The following ATG7 variants were observed in gnomAD, a reference collection of about 807,000 sequenced individuals.
ATG7 encodes the protein ubiquitin-like modifier-activating enzyme ATG7.
In ATG7, 70 loss-of-function variants were observed where a neutral mutation model predicts 82.4. The ratio of observed to expected loss-of-function variants is 0.85; its 90% CI spans 0.70 to 1.04. The LOEUF is 1.04. Among genes scored for constraint, ATG7 ranks in the 50% least tolerant of loss-of-function variants. The pLI is 0.00. For synonymous variants in ATG7, 287 were observed against 313.0 expected (o/e 0.92, Z 0.88); for missense variants, 792 against 864.3 (o/e 0.92, Z 1.05).
chr3:11,407,664 C>G (rs992385574), intron 19 of ATG7, among the ~76,000 whole-genome samples: 5 of 152,216 alleles, frequency 3.3e-5, no homozygotes, highest in African/African-American at 4.8e-5. Context: ...AACCTCAATT[C>G]TTGACTTCTG....
At chr3:11,399,058 C>T (rs1448036634) in intron 19 of ATG7, among the ~76,000 whole-genome samples, 1 of 152,076 alleles carries the variant, frequency 6.6e-6, no homozygotes, top group Non-Finnish European at 1.5e-5. Context: ...TTTTAAAAAT[C>T]AGATGCAGGC....
chr3:11,477,001 C>T (rs2088327101), intron 20 of ATG7: 1 of 949,186 alleles, frequency 1.1e-6, no homozygotes, highest in African/African-American at 1.7e-5. Flanking sequence ...CTCTTTATTA[C>T]AGTGTTTTCC....
intron 13 of ATG7, among the ~76,000 whole-genome samples, chr3:11,343,111 T>G (rs1953930126): frequency 6.6e-6 from 1 of 152,098 alleles, no homozygotes; most frequent in Non-Finnish European, 1.5e-5. Flanking sequence ...GTATTTTTAG[T>G]AGAGACGGGG....
intron 20 of ATG7, among the ~76,000 whole-genome samples, chr3:11,473,846 G>C (rs2087816516): frequency 6.6e-6 from 1 of 152,158 alleles, no homozygotes; most frequent in African/African-American, 2.4e-5. Context: ...TTTGGTTACT[G>C]TGCTGTGCTC....
In ATG7 at chr3:11,317,407, T is replaced by C. The variant is rs552174975; in HGVS notation, c.678+1914T>C. On this transcript the variant is annotated intron_variant, in intron 9 of 20. Coordinates refer to ENST00000693202, the MANE Select transcript of ATG7 (RefSeq NM_001349232.2). ...GCCAAAATAATAACAGTTTGAACAG[T>C]GCTTTACAATTAATTTAAAAGGGAC... 1.2e-4 allele frequency among the ~76,000 whole-genome samples: 19 copies of C among 152,248 alleles called. No homozygotes were observed. In the South Asian group the frequency reaches 3.5e-3, roughly 28 times the overall value.
chr3:11,524,623 AAGAATGGTAGTGCATTAGTCG>A (rs1434139205), intron 20 of ATG7, among the ~76,000 whole-genome samples: 10 of 152,096 alleles, frequency 6.6e-5, no homozygotes, highest in South Asian at 2.1e-4. Context: ...ATAATTAGTC[AAGAATGGTAGTGCATTAGTCG>A]AGAATGGTAG....
chr3:11,394,419 C>A (rs114322128), intron 19 of ATG7, among the ~76,000 whole-genome samples: 7 of 152,162 alleles, frequency 4.6e-5, no homozygotes, highest in Admixed American at 2.0e-4. Context: ...TAAGGAGATT[C>A]TGAGTTGAGC....
chr3:11,504,976 G>A (rs2091607439), intron 20 of ATG7, among the ~76,000 whole-genome samples: 1 of 152,132 alleles, frequency 6.6e-6, no homozygotes, highest in African/African-American at 2.4e-5. Flanking sequence ...AGCAAAATGG[G>A]AAATATATAT....
chr3:11,319,492 T>C (rs1949921008), intron 9 of ATG7, among the ~76,000 whole-genome samples: 3 of 152,218 alleles, frequency 2.0e-5, no homozygotes, highest in Middle Eastern at 3.2e-3. Flanking sequence ...TGAGTTTCTC[T>C]CTTCAACCTG....
intron 19 of ATG7, among the ~76,000 whole-genome samples, chr3:11,424,100 C>T (rs1009419495): frequency 2.0e-5 from 3 of 152,074 alleles, no homozygotes; most frequent in South Asian, 2.1e-4. Flanking sequence ...TGCCTCCCGT[C>T]GCCTGGTCCT....
At chr3:11,407,607 A>G (rs2080471774) in intron 19 of ATG7, among the ~76,000 whole-genome samples, 2 of 152,212 alleles carry the variant, frequency 1.3e-5, no homozygotes, top group African/African-American at 4.8e-5. Flanking sequence ...CAGCCTGGGC[A>G]TCCAGGTGTT....
intron 20 of ATG7, among the ~76,000 whole-genome samples, chr3:11,462,139 A>C (rs2086370756): frequency 6.6e-6 from 1 of 152,072 alleles, no homozygotes; most frequent in Admixed American, 6.6e-5. Flanking sequence ...TTCCATTTCT[A>C]ACTGGAAGCC....
intron 20 of ATG7, among the ~76,000 whole-genome samples, chr3:11,517,514 G>C (rs190377821): frequency 1.4e-4 from 21 of 152,106 alleles, no homozygotes; most frequent in Admixed American, 2.0e-4. Context: ...TGGTCTAGTC[G>C]GAGTCAGCAG....
chr3:11,554,500 G>A (rs2072196270), intron 20 of ATG7, among the ~76,000 whole-genome samples: 1 of 152,242 alleles, frequency 6.6e-6, no homozygotes, highest in South Asian at 2.1e-4. Context: ...GCAGAAGCCA[G>A]GATGAGCAGA....
At chr3:11,444,732 A>T (rs1428179595) in intron 20 of ATG7, among the ~76,000 whole-genome samples, 5 of 152,218 alleles carry the variant, frequency 3.3e-5, no homozygotes, top group Non-Finnish European at 7.3e-5. Context: ...ATCTAATTAA[A>T]CTAAAGAGCT....
intron 19 of ATG7, among the ~76,000 whole-genome samples, chr3:11,396,927 A>G (rs537891666): frequency 7.2e-5 from 11 of 152,210 alleles, no homozygotes; most frequent in Non-Finnish European, 1.5e-4. Context: ...AGTCAAGGAT[A>G]TATGTTATAA....
At chr3:11,420,476 G>T (rs2152931078) in intron 19 of ATG7, among the ~76,000 whole-genome samples, 1 of 151,908 alleles carries the variant, frequency 6.6e-6, no homozygotes, top group South Asian at 2.1e-4. Context: ...TCATGTCTGG[G>T]GCTCTTCCAA....
Position 11,360,574 on chromosome 3 carries a change from C to A in ATG7, c.1480-7C>A, listed in dbSNP as rs766875278. On this transcript the variant is annotated splice_region_variant and splice_polypyrimidine_tract_variant and intron_variant, in intron 15 of 20. Transcript: ENST00000693202. Reference sequence around the variant, plus strand: ...AACTCTGCTCTTTCATTCCTTGAAACCTGCAGCTGGTCATCAATGCTGCTT... The same window carrying A: ...AACTCTGCTCTTTCATTCCTTGAAAACTGCAGCTGGTCATCAATGCTGCTT... 2.2e-5 allele frequency: 35 copies of A among 1,611,262 alleles called. No individual in the cohort carries two copies. The Admixed American group carries it at 3.2e-4, about 15-fold the overall frequency.
intron 20 of ATG7, among the ~76,000 whole-genome samples, chr3:11,427,930 A>C (rs1367408216): frequency 1.3e-5 from 2 of 152,228 alleles, no homozygotes; most frequent in Non-Finnish European, 2.9e-5. Flanking sequence ...GCAATTCCTC[A>C]GAATTGATGA....
Sources: gnomAD v4.1 joint callset for allele counts (sites outside exome capture counted in the v4.1 genomes callset) on GRCh38, gnomAD v4.1.1 for gene constraint, MANE v1.5 for transcripts, NCBI Gene and HGNC (gene_info 2026-07-23, HGNC 2026-07-21) for gene names.